Variants in ACCSL observed in about 807,000 individuals in gnomAD.
ACCSL encodes the protein 1-aminocyclopropane-1-carboxylate synthase homolog (inactive) like.
A neutral mutation model predicts 61.7 loss-of-function variants in ACCSL; 55 were observed. That is an observed-to-expected ratio of 0.89 (90% confidence interval 0.72 to 1.12). The LOEUF (loss-of-function observed/expected upper bound fraction) is 1.12, where lower values mean the gene tolerates loss of function less well. ACCSL is among the 50% of genes most tolerant of loss of function. The probability of loss-of-function intolerance (pLI) is 0.00; values close to 1 mark genes in which losing one functional copy is unlikely to be tolerated. For missense variants in ACCSL, 632 were observed against 698.0 expected (o/e 0.91, Z 1.07); for synonymous variants, 258 against 264.3 (o/e 0.98, Z 0.23).
chr11:43,957,533 G>A, the ACCSL span, among the ~76,000 whole-genome samples: 28 of 152,276 alleles, frequency 1.8e-4, no homozygotes, highest in African/African-American at 4.3e-4. Flanking sequence ...CTTAAAAGGC[G>A]TCAGACTCTC....
chr11:44,027,117 A>G, the ACCSL span, among the ~76,000 whole-genome samples: 1 of 152,120 alleles, frequency 6.6e-6, no homozygotes, highest in Admixed American at 6.5e-5. Flanking sequence ...TTGGACAGAG[A>G]TTTCCTTAAA....
chr11:44,030,563 A>G, the ACCSL span, among the ~76,000 whole-genome samples: 1 of 150,528 alleles, frequency 6.6e-6, no homozygotes, highest in African/African-American at 2.4e-5. Flanking sequence ...AATCCAGGGG[A>G]TTTTTTTTGG....
At chr11:43,993,823 G>A in the ACCSL span, among the ~76,000 whole-genome samples, 2 of 152,208 alleles carry the variant, frequency 1.3e-5, no homozygotes, top group Non-Finnish European at 2.9e-5. Flanking sequence ...CTCAGTCGGG[G>A]CATTTTGGAT....
the ACCSL span, among the ~76,000 whole-genome samples, chr11:44,040,119 G>A: frequency 2.4e-4 from 36 of 152,348 alleles, 1 homozygote; most frequent in African/African-American, 7.9e-4. Flanking sequence ...TTGCCAAGTT[G>A]TCTTTTCTGC....
At chr11:44,023,341 C>T in the ACCSL span, among the ~76,000 whole-genome samples, 82,953 of 151,886 alleles carry the variant, frequency 0.55, 22,989 homozygotes, top group Admixed American at 0.6. Flanking sequence ...GCATGAGCCA[C>T]CACACCCGAC....
At chr11:43,927,934 T>A in the ACCSL span, among the ~76,000 whole-genome samples, 1 of 152,222 alleles carries the variant, frequency 6.6e-6, no homozygotes, top group African/African-American at 2.4e-5. Flanking sequence ...TGTGTGTAAT[T>A]TGTTGAGAAA....
the ACCSL span, among the ~76,000 whole-genome samples, chr11:43,967,217 G>A: frequency 5.7e-5 from 6 of 104,902 alleles, no homozygotes; most frequent in Middle Eastern, 0.011. Context: ...CGCTCTTGTC[G>A]CCCAGGCTGG....
the ACCSL span, among the ~76,000 whole-genome samples, chr11:44,042,599 G>C: frequency 2.6e-5 from 4 of 151,010 alleles, no homozygotes; most frequent in Admixed American, 2.0e-4. Context: ...TTACAAGTGT[G>C]AGCCACCATG....
chr11:43,983,325 A>C, the ACCSL span, among the ~76,000 whole-genome samples: 21,791 of 152,284 alleles, frequency 0.14, 1,703 homozygotes, highest in Non-Finnish European at 0.18. Context: ...AGAGAATATT[A>C]TTAAGGAAAA....
At chr11:43,991,077 GA>G in the ACCSL span, among the ~76,000 whole-genome samples, 3,921 of 138,630 alleles carry the variant, frequency 0.028, 149 homozygotes, top group African/African-American at 0.093. Flanking sequence ...TCTCAAAAAA[GA>G]AAAAAAAAAA....
At chr11:44,002,794 A>AT in the ACCSL span, among the ~76,000 whole-genome samples, 1 of 152,112 alleles carries the variant, frequency 6.6e-6, no homozygotes, top group Non-Finnish European at 1.5e-5. Context: ...GCTAGGAGTG[A>AT]TTTTTTGTTG....
the ACCSL span, among the ~76,000 whole-genome samples, chr11:43,956,523 G>T: frequency 6.6e-6 from 1 of 152,022 alleles, no homozygotes; most frequent in African/African-American, 2.4e-5. Context: ...GGGTTCAAGT[G>T]ATTCTCCTGC....
chr11:44,043,775 T>G (rs546442981), upstream of ACCSL, among the ~76,000 whole-genome samples: 1 of 152,326 alleles, frequency 6.6e-6, no homozygotes, highest in South Asian at 2.1e-4. Flanking sequence ...TCTTCCAGGT[T>G]AGTAATTTTA....
At chr11:43,990,345 A>G in the ACCSL span, among the ~76,000 whole-genome samples, 3 of 152,180 alleles carry the variant, frequency 2.0e-5, no homozygotes, top group African/African-American at 7.2e-5. Flanking sequence ...GGGAAGTCCA[A>G]CATCAAGATA....
At chr11:43,981,854 C>T in the ACCSL span, among the ~76,000 whole-genome samples, 31 of 152,336 alleles carry the variant, frequency 2.0e-4, no homozygotes, top group East Asian at 5.8e-3. Context: ...GCTCCCCTCT[C>T]CCCGCCCAGG....
At chr11:43,982,869 G>A in the ACCSL span, among the ~76,000 whole-genome samples, 1 of 152,210 alleles carries the variant, frequency 6.6e-6, no homozygotes. Context: ...GAAGAGAGGA[G>A]GCAGGAGTGG....
At chr11:43,983,235 G>C in the ACCSL span, among the ~76,000 whole-genome samples, 1 of 152,170 alleles carries the variant, frequency 6.6e-6, no homozygotes, top group Non-Finnish European at 1.5e-5. Context: ...ATAGGTAAAA[G>C]GGTTTTAGAA....
chr11:43,927,694 A>G, the ACCSL span, among the ~76,000 whole-genome samples: 2 of 152,240 alleles, frequency 1.3e-5, no homozygotes, highest in Non-Finnish European at 2.9e-5. Context: ...AAGGCTTTGA[A>G]TACATAATGG....
chr11:43,941,117 C>T, the ACCSL span, among the ~76,000 whole-genome samples: 3 of 152,126 alleles, frequency 2.0e-5, no homozygotes, highest in East Asian at 3.9e-4. Context: ...CAGAGCATGG[C>T]CATACTAAGC....
Sources: gnomAD v4.1 joint callset for allele counts (sites outside exome capture counted in the v4.1 genomes callset) on GRCh38, gnomAD v4.1.1 for gene constraint, MANE v1.5 for transcripts, NCBI Gene and HGNC (gene_info 2026-07-23, HGNC 2026-07-21) for gene names.